The following GREB1 variants were observed in gnomAD, a reference collection of about 807,000 sequenced individuals.
GREB1 encodes growth regulating estrogen receptor binding 1.
GREB1 carries 106 observed loss-of-function variants against 200.7 expected under a neutral mutation model. The observed-to-expected ratio is 0.53, with a 90% CI of 0.45 to 0.62. GREB1 has a LOEUF of 0.62. Ranked by LOEUF, GREB1 falls within the 20% of genes least tolerant of loss-of-function variation. The pLI is 0.00. For synonymous variants in GREB1, 1,132 were observed against 1,092.4 expected (o/e 1.04, Z -0.72); for missense variants, 2,243 against 2,556.8 (o/e 0.88, Z 2.65).
rs1402365611 is a variant in GREB1 at position 11,629,473 on chromosome 2, G to T, written c.4450-475G>T. On this transcript the variant is annotated intron_variant, in intron 25 of 32. Transcript: ENST00000381486. The surrounding 1 kb of genome is among the most constrained non-coding windows in gnomAD (Gnocchi z 5.2). ...GTACTGCTTTGTAGGATTGTTAATCGCAGCACACAGGACAGAACGGTGCCT... is the reference window on the plus strand; with the variant it reads ...GTACTGCTTTGTAGGATTGTTAATCTCAGCACACAGGACAGAACGGTGCCT... Among the ~76,000 whole-genome samples the T allele has an allele frequency of 6.6e-6, 1 of 152,184 alleles. No homozygotes were observed. The highest frequency in any genetic ancestry group is 2.4e-5 in the African/African-American group (1 of 41,448).
chr2:11,592,025 CTA>C, intron 10 of GREB1: 1 of 982,862 alleles, frequency 1.0e-6, no homozygotes, highest in Non-Finnish European at 1.2e-6. Context: ...AGGAGAAAGC[CTA>C]TATTCCCAGG....
chr2:11,626,659 A>G (rs562058560), intron 24 of GREB1, among the ~76,000 whole-genome samples: 2 of 152,290 alleles, frequency 1.3e-5, no homozygotes, highest in East Asian at 3.9e-4. Flanking sequence ...TAAGTTGGCA[A>G]TCGATTTAAA....
rs188535970 is a variant in GREB1, at chr2:11,601,704, G to A, written c.2530-702G>A. Among the ~76,000 whole-genome samples, 4 of 152,356 alleles carry A rather than the reference G, an allele frequency of 2.6e-5. No homozygotes were observed. The East Asian group carries it at 5.8e-4, about 22-fold the overall frequency. ...CATTGTTCATAAGGCACTTCCCATA[G>A]GCCAGGGAAGCCCTGCCCAAAGTGC... On this transcript the variant is annotated intron_variant, in intron 16 of 32. Transcript: ENST00000381486.
chr2:11,527,874 C>T (rs528417362), intron 1 of GREB1, among the ~76,000 whole-genome samples: 1 of 152,342 alleles, frequency 6.6e-6, no homozygotes, highest in South Asian at 2.1e-4. Context: ...AAGTCCCCCA[C>T]ATTTGTTGTT....
At chr2:11,584,159 A>G in intron 7 of GREB1, among the ~76,000 whole-genome samples, 1 of 152,144 alleles carries the variant, frequency 6.6e-6, no homozygotes, top group East Asian at 1.9e-4. Flanking sequence ...AGAGTTTTAA[A>G]AGTTTCCCGG....
At position 11,588,796 on chromosome 2, in the gene GREB1, A is replaced by T; in HGVS notation, c.1210A>T (p.Ser404Cys). The T allele has an allele frequency of 6.2e-7, 1 of 1,614,212 alleles. No individual in the cohort carries two copies. The highest frequency in any genetic ancestry group is 8.5e-7 in the Non-Finnish European group (1 of 1,180,032). ...LCGNLNDVVV[S>C]PLLYTCYQNS... ...TGGGAACCTGAATGACGTCGTGGTC[A>T]GCCCCCTCTTGTACACGTGCTACCA... is the stretch of plus-strand genomic sequence containing the variant. The change falls in exon 10 of 33, where the codon AGC becomes TGC. Residue 404 changes from serine (S) to cysteine (C), a missense_variant. Physicochemically the swap from Ser to Cys is moderately radical, Grantham distance 112. Around this residue, in one of 3 missense-constraint regions of GREB1, gnomAD observed 1,178 missense variants for 1,387.4 expected, o/e 0.85. Coordinates refer to ENST00000381486, the MANE Select transcript of GREB1 (RefSeq NM_014668.4).
chr2:11,624,098 A>G (rs552858670), intron 23 of GREB1, among the ~76,000 whole-genome samples: 1 of 152,328 alleles, frequency 6.6e-6, no homozygotes, highest in Admixed American at 6.5e-5. Flanking sequence ...TTAACTTATT[A>G]ATGAAGAAAG....
intron 1 of GREB1, among the ~76,000 whole-genome samples, chr2:11,496,001 C>G (rs1672875693): frequency 6.6e-6 from 1 of 152,000 alleles, no homozygotes; most frequent in African/African-American, 2.4e-5. Flanking sequence ...GTAAGGAGGT[C>G]ACAGCTCCAA....
At chr2:11,583,477 TTCAG>T (rs1679727492) in intron 7 of GREB1, among the ~76,000 whole-genome samples, 4 of 150,642 alleles carry the variant, frequency 2.7e-5, no homozygotes. Flanking sequence ...TTTGTTTACT[TTCAG>T]TCAGTCAAAT....
rs920704911 is a variant in GREB1, at chr2:11,566,636, A to G, written c.434A>G (p.Asn145Ser). 3 of 1,613,312 alleles carry G rather than the reference A, an allele frequency of 1.9e-6. No individual in the cohort carries two copies. Among genetic ancestry groups the G allele is most frequent in the Non-Finnish European group, 2.5e-6 (3 of 1,179,546 alleles). The change falls in exon 4 of 33, where the codon AAT becomes AGT. Residue 145 changes from asparagine to serine, a missense_variant. Asn to Ser is a conservative substitution (Grantham distance 46, BLOSUM62 1). Transcript: ENST00000381486. ...AVDKRFLPDD[N>S]GHNALLGFSG... ...GACAAGAGGTTCTTGCCAGATGACA[A>G]TGGCCACAATGCTCTTCTTGGTAAG...
At chr2:11,628,849 G>A (rs576857431) in intron 25 of GREB1, among the ~76,000 whole-genome samples, 12 of 152,252 alleles carry the variant, frequency 7.9e-5, no homozygotes, top group South Asian at 6.2e-4. Context: ...TCAGGGGTGC[G>A]CAGGTCTGGG....
At chr2:11,544,222 T>C (rs555825186) in intron 1 of GREB1, among the ~76,000 whole-genome samples, 1 of 152,088 alleles carries the variant, frequency 6.6e-6, no homozygotes, top group Non-Finnish European at 1.5e-5. Context: ...TATTTGTTTG[T>C]TTGTTTATTT....
Position 11,634,179 on chromosome 2 carries a change from G to C in GREB1, c.5040G>C (p.Gln1680His), listed in dbSNP as rs776134298. The C allele has an allele frequency of 6.2e-7, 1 of 1,614,220 alleles. No homozygotes were observed. Among genetic ancestry groups the C allele is most frequent in the Non-Finnish European group, 8.5e-7 (1 of 1,180,030 alleles). Residue 1680 changes from glutamine to histidine, a missense_variant, in exon 29 of 33, where the codon CAG becomes CAC. Transcript: ENST00000381486. ...ERNVSLKHIM[Q>H]HIEAAPDIMH... ...ACGTGTCTTTGAAGCACATCATGCA[G>C]CACATCGAGGCGGCCCCCGACATCA... is the stretch of plus-strand genomic sequence containing the variant.
intron 22 of GREB1, among the ~76,000 whole-genome samples, chr2:11,620,375 G>A (rs1256821734): frequency 6.6e-6 from 1 of 152,162 alleles, no homozygotes; most frequent in Non-Finnish European, 1.5e-5. Context: ...TTAATAGGAG[G>A]TATGCTAGCC....
chr2:11,616,840 G>T (rs1683448728), intron 21 of GREB1, 120 bp downstream of exon 21: 19 of 687,274 alleles, frequency 2.8e-5, no homozygotes, highest in South Asian at 2.7e-4. Context: ...GAACTGGAAA[G>T]ATAAGGAAAT....
intron 17 of GREB1, among the ~76,000 whole-genome samples, chr2:11,605,876 C>T (rs534909346): frequency 1.3e-5 from 2 of 152,252 alleles, no homozygotes; most frequent in African/African-American, 2.4e-5. Context: ...GGTTGTTTTT[C>T]GGTTTTGGCT....
At chr2:11,494,380 T>C (rs1672834386) in intron 1 of GREB1, among the ~76,000 whole-genome samples, 3 of 152,392 alleles carry the variant, frequency 2.0e-5, no homozygotes, top group Middle Eastern at 3.4e-3. Flanking sequence ...ATGTTCATTC[T>C]TGGGTCCCCA....
At chr2:11,632,757 G>A (rs1453653790) in intron 27 of GREB1, 132 bp from the exon 28 acceptor site, 2 of 681,210 alleles carry the variant, frequency 2.9e-6, no homozygotes, top group Admixed American at 2.5e-5. Flanking sequence ...TGTGTTTTGT[G>A]ACAGGTGATT....
rs758259308 is a variant in GREB1 at position 11,611,041 on chromosome 2, G to A, written c.3006+14G>A. 34 of 1,540,458 alleles carry A rather than the reference G, an allele frequency of 2.2e-5. No individual in the cohort carries two copies. In the Middle Eastern group the frequency reaches 5.4e-4, roughly 25 times the overall value. ...AAGCAGCTCAGGGTAGGTGCTGTGC[G>A]CAGGGAGGGGCGGAGGGCCTGGGGG... On this transcript the variant is annotated intron_variant, in intron 18 of 32. Transcript: ENST00000381486.
Sources: gnomAD v4.1 joint callset for allele counts (sites outside exome capture counted in the v4.1 genomes callset) on GRCh38, gnomAD v4.1.1 for gene constraint, gnomAD v4.1.1 regional missense constraint, Gnocchi (gnomAD v3.1) non-coding constraint, MANE v1.5 for transcripts, NCBI Gene and HGNC (gene_info 2026-07-23, HGNC 2026-07-21) for gene names.